Variants in AP2B1 observed in about 807,000 individuals in gnomAD.
The protein encoded by AP2B1 is adaptor related protein complex 2 subunit beta 1.
In AP2B1, 23 loss-of-function variants were observed where a neutral mutation model predicts 102.0. The observed-to-expected ratio is 0.23, with a 90% CI of 0.16 to 0.32. The LOEUF (loss-of-function observed/expected upper bound fraction) is 0.32. AP2B1 is among the 10% of genes least tolerant of loss of function. The pLI, the probability that AP2B1 is intolerant of heterozygous loss-of-function variation, is 1.00. For synonymous variants in AP2B1, 381 were observed against 421.2 expected (o/e 0.90, Z 1.17); for missense variants, 541 against 1,157.4 (o/e 0.47, Z 7.73).
In AP2B1 at chr17:35,710,334, T is replaced by C; in HGVS notation, c.2626+14T>C. The C allele has an allele frequency of 6.5e-7, 1 of 1,536,762 alleles. No homozygotes were observed. Among genetic ancestry groups the C allele is most frequent in the Non-Finnish European group, 9.0e-7 (1 of 1,114,068 alleles). On this transcript the variant is annotated intron_variant, in intron 20 of 21. Coordinates refer to ENST00000610402, the MANE Select transcript of AP2B1 (RefSeq NM_001030006.2). ...ATTTAAATGCTGGTGAGTAATATACTCTAAATTTCAGTTTCATCTTAGTAA... is the reference window on the plus strand; with the variant it reads ...ATTTAAATGCTGGTGAGTAATATACCCTAAATTTCAGTTTCATCTTAGTAA...
intron 14 of AP2B1, among the ~76,000 whole-genome samples, chr17:35,665,190 T>G (rs1382119611): frequency 1.4e-5 from 2 of 140,652 alleles, no homozygotes; most frequent in Non-Finnish European, 3.0e-5. Flanking sequence ...GCAGTGGCAC[T>G]ATCACGACAT....
chr17:35,670,290 A>G (rs1254169757), intron 14 of AP2B1, among the ~76,000 whole-genome samples: 1 of 152,242 alleles, frequency 6.6e-6, no homozygotes, highest in African/African-American at 2.4e-5. Flanking sequence ...TCCAAACTCT[A>G]AAAATCACTT....
At chr17:35,591,113 G>A (rs1597952093) in intron 1 of AP2B1, among the ~76,000 whole-genome samples, 3 of 150,390 alleles carry the variant, frequency 2.0e-5, no homozygotes, top group African/African-American at 7.4e-5. Flanking sequence ...GGCAAAGGTT[G>A]GAGTGAGCCC....
At chr17:35,662,610 C>T (rs1178519656) in intron 14 of AP2B1, among the ~76,000 whole-genome samples, 2 of 149,874 alleles carry the variant, frequency 1.3e-5, no homozygotes, top group Middle Eastern at 3.4e-3. Context: ...TTTTTCTCAC[C>T]GTGCAGATCC....
chr17:35,621,440 G>A (rs2074175110), intron 5 of AP2B1: 1 of 731,226 alleles, frequency 1.4e-6, no homozygotes, highest in Non-Finnish European at 1.7e-6. Context: ...GTAGAGATAG[G>A]ATGGAAGGAA....
At chr17:35,641,344 G>A (rs181694609) in intron 11 of AP2B1, among the ~76,000 whole-genome samples, 16 of 152,244 alleles carry the variant, frequency 1.1e-4, no homozygotes, top group Admixed American at 4.6e-4. Context: ...AGGCTGATGC[G>A]GGAGAATCGC....
At chr17:35,605,638 G>C in intron 3 of AP2B1, 67 bp from the exon 4 acceptor site, 1 of 1,133,482 alleles carries the variant, frequency 8.8e-7, no homozygotes, top group South Asian at 1.4e-5. Context: ...GGCTATTCAT[G>C]TTCTGTCCAA....
rs587612476 is a variant in AP2B1 at position 35,696,094 on chromosome 17, A to G, written c.2455-13130A>G. On this transcript the variant is annotated intron_variant, in intron 18 of 21. Transcript: ENST00000610402. ...CTCCAAGACCTTGGGTGATCTAGCT[A>G]TGCCTTTCCCTCCCTCCTTTCCTCA... 5.3e-5 allele frequency among the ~76,000 whole-genome samples: 8 copies of G among 152,178 alleles called. No homozygotes were observed. In the East Asian group the frequency reaches 1.5e-3, roughly 29 times the overall value.
rs905715789 is a variant in AP2B1, at chr17:35,674,441, T to C, written c.2324+120T>C. ...ATATTGGGCCAGGTACAGTGGCTCATGCCTATAATCCCAGCATTTGGGAGG... is the reference window on the plus strand; with the variant it reads ...ATATTGGGCCAGGTACAGTGGCTCACGCCTATAATCCCAGCATTTGGGAGG... On this transcript the variant is annotated intron_variant, in intron 17 of 21. Transcript: ENST00000610402. The C allele has an allele frequency of 2.4e-6, 3 of 1,230,100 alleles. No individual in the cohort carries two copies. The African/African-American group carries it at 4.5e-5, about 18-fold the overall frequency. 76.2% of individuals were successfully genotyped at this position (1,230,100 alleles called of 1,614,324 possible). A position where few individuals can be genotyped will look rare whatever the true frequency, so the allele number is the denominator to read the frequency against.
intron 17 of AP2B1, among the ~76,000 whole-genome samples, chr17:35,679,551 C>T (rs1238123234): frequency 6.6e-6 from 1 of 150,492 alleles, no homozygotes; most frequent in Non-Finnish European, 1.5e-5. Context: ...TACTGTATCA[C>T]CAGAGCATCT....
intron 20 of AP2B1, among the ~76,000 whole-genome samples, chr17:35,716,036 T>C (rs1213368533): frequency 6.6e-6 from 1 of 152,168 alleles, no homozygotes; most frequent in Non-Finnish European, 1.5e-5. Flanking sequence ...TGATGAAAGG[T>C]ACCTGTTGTA....
intron 18 of AP2B1, among the ~76,000 whole-genome samples, chr17:35,687,552 A>AT (rs56332145): frequency 1.2e-4 from 18 of 149,246 alleles, no homozygotes; most frequent in Middle Eastern, 3.5e-3. Context: ...GTTTACATCA[A>AT]TTTTTTTTTT....
intron 18 of AP2B1, among the ~76,000 whole-genome samples, chr17:35,703,850 A>G (rs1038721540): frequency 2.6e-5 from 4 of 152,366 alleles, no homozygotes; most frequent in South Asian, 2.1e-4. Context: ...AGTTTTAGAC[A>G]TATTCTTTTT....
intron 5 of AP2B1, among the ~76,000 whole-genome samples, chr17:35,609,020 T>C (rs1356274593): frequency 6.6e-6 from 1 of 152,210 alleles, no homozygotes; most frequent in Non-Finnish European, 1.5e-5. Flanking sequence ...TTGAATATAT[T>C]GGATGGGTCA....
intron 9 of AP2B1, among the ~76,000 whole-genome samples, chr17:35,629,758 T>A (rs2074412742): frequency 6.6e-6 from 1 of 152,212 alleles, no homozygotes. Context: ...GGAAGGGGGT[T>A]TATCTTTACA....
chr17:35,683,560 C>T (rs952770485), intron 18 of AP2B1, among the ~76,000 whole-genome samples: 1 of 152,166 alleles, frequency 6.6e-6, no homozygotes, highest in African/African-American at 2.4e-5. Flanking sequence ...ATGTGGTCTA[C>T]AAGAGCCTCT....
chr17:35,633,101 G>A (rs748775728), intron 9 of AP2B1, among the ~76,000 whole-genome samples: 1 of 152,040 alleles, frequency 6.6e-6, no homozygotes, highest in Admixed American at 6.6e-5. Context: ...GGTGGCTCAT[G>A]CCTCTAATCC....
intron 5 of AP2B1, among the ~76,000 whole-genome samples, chr17:35,617,269 TG>T (rs1442314566): frequency 6.6e-6 from 1 of 152,170 alleles, no homozygotes; most frequent in Non-Finnish European, 1.5e-5. Context: ...TTGGCCATGC[TG>T]GTCTTGAATT....
chr17:35,636,251 G>A lies in AP2B1; in HGVS notation c.1156-90G>A, dbSNP rs1333313350. The A allele has an allele frequency of 1.4e-5, 11 of 800,042 alleles. No homozygotes were observed. The East Asian group carries it at 2.4e-4, about 18-fold the overall frequency. The allele number at this position is 800,042 out of a possible 1,614,324, so 49.6% of individuals were successfully genotyped here. A position where few individuals can be genotyped will look rare whatever the true frequency, so the allele number is the denominator to read the frequency against. On this transcript the variant is annotated intron_variant, in intron 9 of 21. Coordinates refer to ENST00000610402, the MANE Select transcript of AP2B1 (RefSeq NM_001030006.2). ...CCTGATCATTTAGTTTGGTTTAGTT[G>A]ATGCACCTGCATGTTTCAAAATTTT...
Sources: allele counts gnomAD v4.1 joint callset (sites outside exome capture counted in the v4.1 genomes callset), GRCh38; gene constraint gnomAD v4.1.1; transcripts MANE v1.5; gene names NCBI Gene and HGNC (gene_info 2026-07-23, HGNC 2026-07-21).